The following EFL1 variants were observed in gnomAD, a reference collection of about 807,000 sequenced individuals.
EFL1 encodes elongation factor-like GTPase 1.
In EFL1, 76 loss-of-function variants were observed where a neutral mutation model predicts 126.7. That is an observed-to-expected ratio of 0.60 (90% CI 0.50 to 0.73). The LOEUF (loss-of-function observed/expected upper bound fraction) is 0.73, where lower values mean the gene tolerates loss of function less well. Among genes scored for constraint, EFL1 ranks in the 30% least tolerant of loss-of-function variants. The probability of loss-of-function intolerance (pLI) is 0.00; values close to 1 mark genes in which losing one functional copy is unlikely to be tolerated. For missense variants in EFL1, 1,128 were observed against 1,343.2 expected, an observed-to-expected ratio of 0.84 and a Z score of 2.50; for synonymous variants, 410 against 448.4, an observed-to-expected ratio of 0.91 and a Z score of 1.08.
intron 7 of EFL1, among the ~76,000 whole-genome samples, chr15:82,235,171 C>T (rs1390434421): frequency 6.6e-6 from 1 of 152,138 alleles, no homozygotes; most frequent in Non-Finnish European, 1.5e-5. Context: ...CTGAGTGATG[C>T]TGAACAAAAG....
Position 82,228,239 on chromosome 15 carries a change from T to A in EFL1, c.1021A>T (p.Ile341Phe), listed in dbSNP as rs748641265. 1.2e-6 allele frequency: 2 copies of A among 1,614,064 alleles called. No homozygotes were observed. Among genetic ancestry groups the A allele is most frequent in the South Asian group, 2.2e-5 (2 of 91,074 alleles). Residue 341 changes from isoleucine (I) to phenylalanine (F), a missense_variant, in exon 10 of 20, where the codon ATC (isoleucine) becomes TTC (phenylalanine). Ile to Phe is a conservative substitution (Grantham distance 21). Around this residue, in one of 6 missense-constraint regions of EFL1, gnomAD observed 316 missense variants for 318.5 expected, o/e 0.99. Transcript: ENST00000268206. ...EARHSDPKVQ[I>F]NAICSQWLPI... ...AGCCACTGACTGCAAATGGCGTTGA[T>A]CTGAACTTTAGGGTCTGAATGTCGT...
Position 82,228,343 on chromosome 15 carries a change from G to C in EFL1, c.933-16C>G, listed in dbSNP as rs778427048. ...GTCTTTGTCCCTGTGGTAAACACAA[G>C]ATTGGAGAGGGGAAATGTCATATGC... On this transcript the variant is annotated splice_polypyrimidine_tract_variant and intron_variant, in intron 9 of 19. Coordinates refer to ENST00000268206, the MANE Select transcript of EFL1 (RefSeq NM_024580.6). 1 of 1,611,074 alleles carries C rather than the reference G, an allele frequency of 6.2e-7. No homozygotes were observed. Among genetic ancestry groups the C allele is most frequent in the South Asian group, 1.1e-5 (1 of 90,430 alleles).
rs371564001 is a variant in EFL1 at position 82,138,748 on chromosome 15, C to A, written c.3084G>T (p.Leu1028=). Residue 1028 remains leucine, a synonymous_variant, in exon 19 of 20, where the codon CTG becomes CTT. Transcript: ENST00000268206. ...GTDMFIIKAV[L]PVAESFGFAD... The stretch of plus-strand genomic sequence containing the variant: ...CAAAACCAAAGCTTTCAGCAACAGG[C>A]AGCACAGCCTTGATGATGAACATGT... The A allele has an allele frequency of 1.1e-5, 17 of 1,613,948 alleles. No homozygotes were observed. Among genetic ancestry groups the A allele is most frequent in the Non-Finnish European group, 1.4e-5 (17 of 1,179,940 alleles).
chr15:82,205,070 C>A (rs189043503), intron 15 of EFL1, among the ~76,000 whole-genome samples: 3 of 152,318 alleles, frequency 2.0e-5, no homozygotes, highest in South Asian at 4.1e-4. Flanking sequence ...AGACTGTCCC[C>A]TCTTTCCCAA....
At chr15:82,235,587 G>A (rs1313609366) in intron 7 of EFL1, among the ~76,000 whole-genome samples, 4 of 151,980 alleles carry the variant, frequency 2.6e-5, no homozygotes, top group Admixed American at 2.6e-4. Flanking sequence ...ACAAGCTAAA[G>A]AAGAAAAATC....
intron 15 of EFL1, among the ~76,000 whole-genome samples, chr15:82,190,549 G>A (rs1326043491): frequency 6.6e-6 from 1 of 152,200 alleles, no homozygotes; most frequent in African/African-American, 2.4e-5. Context: ...GTGCCAGATA[G>A]TGTGTAAGTG....
intron 18 of EFL1, among the ~76,000 whole-genome samples, chr15:82,143,778 A>G (rs1182766250): frequency 6.6e-6 from 1 of 152,254 alleles, no homozygotes; most frequent in Non-Finnish European, 1.5e-5. Context: ...GACTTAAAAA[A>G]GAAGGCACAA....
chr15:82,244,226 C>T (rs2074950837), intron 4 of EFL1, among the ~76,000 whole-genome samples: 1 of 152,096 alleles, frequency 6.6e-6, no homozygotes, highest in Non-Finnish European at 1.5e-5. Context: ...TCCCCAAGCA[C>T]AGCTCTTCTG....
At chr15:82,229,884 C>T (rs2074803203) in intron 8 of EFL1, among the ~76,000 whole-genome samples, 1 of 152,096 alleles carries the variant, frequency 6.6e-6, no homozygotes, top group African/African-American at 2.4e-5. Context: ...TTCATAGAAT[C>T]ATAACTATCC....
intron 16 of EFL1, among the ~76,000 whole-genome samples, chr15:82,163,145 C>T (rs1399980513): frequency 6.6e-6 from 1 of 152,204 alleles, no homozygotes; most frequent in Non-Finnish European, 1.5e-5. Flanking sequence ...ACGGGAAATT[C>T]TCAGTGTGCA....
chr15:82,251,525 G>A (rs747680697), intron 4 of EFL1, among the ~76,000 whole-genome samples: 4 of 152,182 alleles, frequency 2.6e-5, no homozygotes, highest in African/African-American at 9.7e-5. Context: ...GAGTAAGGAA[G>A]AAGGCAGCCT....
intron 15 of EFL1, among the ~76,000 whole-genome samples, chr15:82,193,046 T>C (rs1046454797): frequency 6.6e-6 from 1 of 152,208 alleles, no homozygotes; most frequent in Non-Finnish European, 1.5e-5. Flanking sequence ...ATATATAACT[T>C]TTGAAATTCA....
In EFL1 at chr15:82,229,086, CA is replaced by C. The variant is rs1567071829; in HGVS notation, c.879del (p.Phe293LeufsTer4). On this transcript the variant is annotated frameshift_variant, in exon 9 of 20. Coordinates refer to ENST00000268206, the MANE Select transcript of EFL1 (RefSeq NM_024580.6). LOFTEE classifies it high-confidence loss of function. ...CATATATTTTCCAGGATCAACTGTA[CA>C]AATAAAGGTTTCTTTCCTTTGGCCT... ...GDQAKGKKPL[F>X]VQLILENIWS... 6.2e-7 allele frequency: 1 copy of C among 1,611,248 alleles called. No homozygotes were observed. Among genetic ancestry groups the C allele is most frequent in the East Asian group, 2.2e-5 (1 of 44,718 alleles).
At position 82,252,785 on chromosome 15, in the gene EFL1, T is replaced by C. The variant is rs1372152580; in HGVS notation, c.160-10A>G. 3 of 1,395,384 alleles carry C rather than the reference T, an allele frequency of 2.1e-6. No individual in the cohort carries two copies. Among genetic ancestry groups the C allele is most frequent in the Non-Finnish European group, 2.0e-6 (2 of 986,034 alleles). 86.4% of individuals were successfully genotyped at this position (1,395,384 alleles called of 1,614,324 possible). A position where few individuals can be genotyped will look rare whatever the true frequency, so the allele number is the denominator to read the frequency against. Reference sequence around the variant, plus strand: ...TGTCCATGTACCTTAACTGGAAAAATGCAACATATGCATCTTCACTTCCCA... The same window carrying C: ...TGTCCATGTACCTTAACTGGAAAAACGCAACATATGCATCTTCACTTCCCA... On this transcript the variant is annotated splice_polypyrimidine_tract_variant and intron_variant, in intron 3 of 19. Coordinates refer to ENST00000268206, the MANE Select transcript of EFL1 (RefSeq NM_024580.6).
intron 18 of EFL1, among the ~76,000 whole-genome samples, chr15:82,143,620 C>T (rs1273713768): frequency 6.6e-6 from 1 of 152,190 alleles, no homozygotes; most frequent in Non-Finnish European, 1.5e-5. Flanking sequence ...ATAAAGCATG[C>T]TGCAGACACA....
intron 15 of EFL1, among the ~76,000 whole-genome samples, chr15:82,189,250 A>G (rs1267102470): frequency 6.6e-6 from 1 of 152,204 alleles, no homozygotes; most frequent in African/African-American, 2.4e-5. Context: ...CCACCATCAT[A>G]TACGTAATCC....
intron 15 of EFL1, among the ~76,000 whole-genome samples, chr15:82,180,297 T>A (rs1229979979): frequency 6.7e-6 from 1 of 148,188 alleles, no homozygotes; most frequent in Middle Eastern, 3.2e-3. Context: ...ATTTGTTGAA[T>A]GAGTGAACCC....
intron 15 of EFL1, among the ~76,000 whole-genome samples, chr15:82,197,749 A>C (rs2074423130): frequency 6.6e-6 from 1 of 152,174 alleles, no homozygotes. Flanking sequence ...GGGCCAAAAT[A>C]AATTTAAATG....
intron 19 of EFL1, among the ~76,000 whole-genome samples, chr15:82,133,089 G>A (rs553589221): frequency 6.6e-6 from 1 of 152,208 alleles, no homozygotes; most frequent in East Asian, 1.9e-4. Context: ...GGAGCATGAG[G>A]GAGCCTGTGG....
Sources: allele counts gnomAD v4.1 joint callset (sites outside exome capture counted in the v4.1 genomes callset), GRCh38; gene constraint gnomAD v4.1.1; regional missense constraint gnomAD v4.1.1; transcripts MANE v1.5; gene names NCBI Gene and HGNC (gene_info 2026-07-23, HGNC 2026-07-21).